The following FBN1 variants were observed in gnomAD, a reference collection of about 807,000 sequenced individuals.
The protein encoded by FBN1 is fibrillin-1.
A neutral mutation model predicts 365.1 loss-of-function variants in FBN1; 29 were observed. The ratio of observed to expected loss-of-function variants is 0.08; its 90% confidence interval spans 0.06 to 0.11. FBN1 has a LOEUF of 0.11. FBN1 is among the 10% of genes least tolerant of loss of function. FBN1 has a pLI of 1.00. For missense variants in FBN1, 2,476 were observed against 3,703.2 expected (o/e 0.67, Z 8.60); for synonymous variants, 1,210 against 1,270.5 (o/e 0.95, Z 1.01).
intron 6 of FBN1, among the ~76,000 whole-genome samples, chr15:48,589,563 T>C (rs1348010408): frequency 2.0e-5 from 3 of 151,720 alleles, no homozygotes; most frequent in Non-Finnish European, 4.4e-5. Flanking sequence ...AGACGCACAG[T>C]AACATTTAGG....
intron 6 of FBN1, among the ~76,000 whole-genome samples, chr15:48,540,429 C>A (rs1037780222): frequency 6.6e-6 from 1 of 152,110 alleles, no homozygotes; most frequent in Non-Finnish European, 1.5e-5. Context: ...CTTCACTTAA[C>A]ATTGCCAAAG....
intron 8 of FBN1, among the ~76,000 whole-genome samples, chr15:48,531,306 G>A (rs1419000451): frequency 6.6e-6 from 1 of 152,050 alleles, no homozygotes; most frequent in African/African-American, 2.4e-5. Context: ...TTTTAGGAAG[G>A]AAGTGAGAAT....
intron 6 of FBN1, among the ~76,000 whole-genome samples, chr15:48,579,181 A>G (rs2044372684): frequency 6.6e-6 from 1 of 152,148 alleles, no homozygotes; most frequent in Admixed American, 6.6e-5. Context: ...ACGAGCACTG[A>G]ATCTTGCTTG....
rs749132226 is a variant in FBN1 at position 48,433,000 on chromosome 15, G to A, written c.6617-12C>T. 9.3e-6 allele frequency: 15 copies of A among 1,612,850 alleles called. No homozygotes were observed. The highest frequency in any genetic ancestry group is 1.2e-5 in the Non-Finnish European group (14 of 1,179,420). On this transcript the variant is annotated splice_polypyrimidine_tract_variant and intron_variant, in intron 54 of 65. Coordinates refer to ENST00000316623, the MANE Select transcript of FBN1 (RefSeq NM_000138.5). ...ACATTCATTTATATCTGCAGCAGAG[G>A]AGAGTAAGTAAATAAGGGATCATGG...
intron 4 of FBN1, among the ~76,000 whole-genome samples, chr15:48,601,256 G>C (rs145474876): frequency 6.6e-6 from 1 of 152,224 alleles, no homozygotes; most frequent in African/African-American, 2.4e-5. Flanking sequence ...GCGCAGGCAA[G>C]TGCTCTCATT....
intron 6 of FBN1, among the ~76,000 whole-genome samples, chr15:48,567,413 CCTAA>C (rs905086335): frequency 1.4e-4 from 22 of 152,208 alleles, no homozygotes; most frequent in African/African-American, 4.6e-4. Context: ...CTTCCTTCCC[CCTAA>C]CTGAGACCAG....
chr15:48,429,781 A>G (rs1007432460), intron 56 of FBN1, among the ~76,000 whole-genome samples: 1 of 152,230 alleles, frequency 6.6e-6, no homozygotes, highest in African/African-American at 2.4e-5. Context: ...TTCAATCTGT[A>G]TTGTACAGAG....
Position 48,513,782 on chromosome 15 carries a change from C to T in FBN1, c.1469-114G>A, listed in dbSNP as rs867194218. ...CATTTTCCTTTTGAGAAATAAATAA[C>T]ATAATAAAAGGATCTTTTTTCTTTC... On this transcript the variant is annotated intron_variant, in intron 12 of 65. Transcript: ENST00000316623. 10 of 1,221,634 alleles carry T rather than the reference C, an allele frequency of 8.2e-6. No individual in the cohort carries two copies. The African/African-American group carries it at 9.0e-5, about 11-fold the overall frequency. 75.7% of individuals were successfully genotyped at this position (1,221,634 alleles called of 1,614,324 possible).
At chr15:48,634,229 C>T (rs62011438) in intron 2 of FBN1, among the ~76,000 whole-genome samples, 3 of 152,184 alleles carry the variant, frequency 2.0e-5, no homozygotes, top group Non-Finnish European at 4.4e-5. Context: ...ATGCATCAAA[C>T]TTTACATAGT....
At chr15:48,457,282 G>A (rs1052047669) in intron 43 of FBN1, among the ~76,000 whole-genome samples, 4 of 152,304 alleles carry the variant, frequency 2.6e-5, no homozygotes, top group East Asian at 1.9e-4. Context: ...GGCTGGGGCT[G>A]ACAATAAAAA....
rs1566893403 is a variant in FBN1, at chr15:48,427,618, C to G, written c.7153G>C (p.Ala2385Pro). ...CCATGGGGACAGAGTTTCTTGAAAGCCACAGTCCCCTGGAAAGGGCAGATC... is the reference window on the plus strand; with the variant it reads ...CCATGGGGACAGAGTTTCTTGAAAGGCACAGTCCCCTGGAAAGGGCAGATC... ...CEICPFQGTVAFKKLCPHGRG... is the reference protein window; with the variant it reads ...CEICPFQGTVPFKKLCPHGRG... Residue 2385 changes from alanine to proline, a missense_variant, in exon 58 of 66, where the codon GCT becomes CCT. Physicochemically the swap from Ala to Pro is conservative, Grantham distance 27 (BLOSUM62 -1). This residue lies in a region of FBN1 where 1,780 missense variants were observed against 2,840.8 expected (regional missense o/e 0.63). Transcript: ENST00000316623. The G allele has an allele frequency of 6.2e-7, 1 of 1,614,172 alleles. No individual in the cohort carries two copies. Among genetic ancestry groups the G allele is most frequent in the Non-Finnish European group, 8.5e-7 (1 of 1,180,006 alleles).
chr15:48,460,475 A>G (rs973709069), intron 42 of FBN1, among the ~76,000 whole-genome samples, 158 bp from the exon 43 acceptor site: 1 of 152,246 alleles, frequency 6.6e-6, no homozygotes, highest in African/African-American at 2.4e-5. Flanking sequence ...CTACAGATAT[A>G]ATCTTGCCTG....
At position 48,427,570 on chromosome 15, in the gene FBN1, C is replaced by A. The variant is rs771260695; in HGVS notation, c.7201G>T (p.Ala2401Ser). The change falls in exon 58 of 66, where the codon GCA becomes TCA. Residue 2401 changes from alanine (A) to serine (S), a missense_variant. By Grantham distance (99) the Ala-to-Ser change is moderately conservative. This residue lies in a region of FBN1 where 1,780 missense variants were observed against 2,840.8 expected (regional missense o/e 0.63). Coordinates refer to ENST00000316623, the MANE Select transcript of FBN1 (RefSeq NM_000138.5). ...PHGRGFMTNG[A>S]DIDECKVIHD... ...TTTTGGACTATAAATGAAGTACCTGCTCCATTGGTCATGAATCCTCGGCCA... is the reference window on the plus strand; with the variant it reads ...TTTTGGACTATAAATGAAGTACCTGATCCATTGGTCATGAATCCTCGGCCA... The A allele has an allele frequency of 3.7e-6, 6 of 1,613,716 alleles. No homozygotes were observed. The highest frequency in any genetic ancestry group is 5.1e-6 in the Non-Finnish European group (6 of 1,179,586).
chr15:48,476,148 G>A (rs2043416696), intron 32 of FBN1, among the ~76,000 whole-genome samples: 1 of 152,190 alleles, frequency 6.6e-6, no homozygotes, highest in Non-Finnish European at 1.5e-5. Context: ...GTAGGCACAG[G>A]AATTCAAGAA....
At chr15:48,639,694 ACTATC>A (rs1282868762) in intron 2 of FBN1, among the ~76,000 whole-genome samples, 1 of 152,332 alleles carries the variant, frequency 6.6e-6, no homozygotes, top group East Asian at 1.9e-4. Flanking sequence ...GAAACGCTAA[ACTATC>A]ATGTGCCTGA....
At chr15:48,453,311 C>CACA (rs2043216309) in intron 44 of FBN1, among the ~76,000 whole-genome samples, 1 of 101,416 alleles carries the variant, frequency 9.9e-6, no homozygotes, top group African/African-American at 3.6e-5. Flanking sequence ...AAAACACACA[C>CACA]AAAAAAAAAG....
intron 6 of FBN1, among the ~76,000 whole-genome samples, chr15:48,590,291 G>T (rs986490616): frequency 6.6e-6 from 1 of 152,122 alleles, no homozygotes; most frequent in Non-Finnish European, 1.5e-5. Context: ...CTCTAAACAG[G>T]TCTTGAGATA....
At chr15:48,566,257 A>C (rs2044257966) in intron 6 of FBN1, among the ~76,000 whole-genome samples, 1 of 152,210 alleles carries the variant, frequency 6.6e-6, no homozygotes, top group Admixed American at 6.5e-5. Context: ...ACAGGGGAAA[A>C]AGTTTCAAGT....
intron 2 of FBN1, among the ~76,000 whole-genome samples, chr15:48,639,229 C>T (rs1890154761): frequency 6.6e-6 from 1 of 152,170 alleles, no homozygotes; most frequent in Non-Finnish European, 1.5e-5. Flanking sequence ...AACTTAACCT[C>T]TGCATACCTC....
Sources: gnomAD v4.1 joint callset for allele counts (sites outside exome capture counted in the v4.1 genomes callset) on GRCh38, gnomAD v4.1.1 for gene constraint, gnomAD v4.1.1 regional missense constraint, MANE v1.5 for transcripts, NCBI Gene and HGNC (gene_info 2026-07-23, HGNC 2026-07-21) for gene names.